The following PPFIA1 variants were observed in gnomAD, a reference collection of about 807,000 sequenced individuals.
The protein encoded by PPFIA1 is PPFI scaffold protein A1, also known as liprin-alpha-1.
A neutral mutation model predicts 149.9 loss-of-function variants in PPFIA1; 25 were observed. The ratio of observed to expected loss-of-function variants is 0.17; its 90% CI spans 0.12 to 0.23. The LOEUF (loss-of-function observed/expected upper bound fraction) is 0.23. PPFIA1 is among the 10% of genes least tolerant of loss of function. The pLI, the probability that PPFIA1 is intolerant of heterozygous loss-of-function variation, is 1.00. For synonymous variants in PPFIA1, 549 were observed against 552.8 expected (o/e 0.99, Z 0.10); for missense variants, 1,362 against 1,506.5 (o/e 0.90, Z 1.59).
chr11:70,364,022 G>C (rs2056796478), intron 21 of PPFIA1, among the ~76,000 whole-genome samples: 1 of 152,170 alleles, frequency 6.6e-6, no homozygotes, highest in Non-Finnish European at 1.5e-5. Context: ...GCCATGCTTG[G>C]AAAAGGTCCC....
chr11:70,347,638 C>T (rs1163686690), intron 15 of PPFIA1, among the ~76,000 whole-genome samples: 2 of 151,626 alleles, frequency 1.3e-5, no homozygotes, highest in Non-Finnish European at 1.5e-5. Context: ...TCCAGGAGTT[C>T]GAGGCTGCAG....
rs183252408 is a variant in PPFIA1, at chr11:70,299,097, A to G, written c.265-25305A>G. ...CTACTAAAAACACAAAAATTAGCCAAGCGTGGTGGTGCACACCTGTAGTTC... is the reference window on the plus strand; with the variant it reads ...CTACTAAAAACACAAAAATTAGCCAGGCGTGGTGGTGCACACCTGTAGTTC... On this transcript the variant is annotated intron_variant, in intron 2 of 27. Transcript: ENST00000253925. 3.3e-3 allele frequency among the ~76,000 whole-genome samples: 495 copies of G among 152,056 alleles called. 5 individuals carry two copies. The highest frequency in any genetic ancestry group is 0.015 in the Admixed American group (223 of 15,264).
At chr11:70,316,032 C>A (rs1400454048) in intron 2 of PPFIA1, among the ~76,000 whole-genome samples, 1 of 151,942 alleles carries the variant, frequency 6.6e-6, no homozygotes, top group African/African-American at 2.4e-5. Flanking sequence ...CAAGGTTCAC[C>A]CATATTGTAT....
intron 15 of PPFIA1, chr11:70,346,110 G>A (rs1202865345): frequency 6.2e-6 from 2 of 323,284 alleles, no homozygotes. Flanking sequence ...CTGTAGAATG[G>A]AATCCAAGAA....
chr11:70,319,030 G>T (rs555342150), intron 2 of PPFIA1, among the ~76,000 whole-genome samples: 9 of 152,302 alleles, frequency 5.9e-5, no homozygotes, highest in African/African-American at 1.7e-4. Flanking sequence ...ACTGTGAATT[G>T]CGCTCAACTG....
At chr11:70,382,454 T>C (rs1449613280) in intron 27 of PPFIA1, among the ~76,000 whole-genome samples, 2 of 151,040 alleles carry the variant, frequency 1.3e-5, no homozygotes, top group Non-Finnish European at 2.9e-5. Context: ...GGGGGTGGAG[T>C]GGGGAGGAGA....
At chr11:70,333,348 C>T in intron 9 of PPFIA1, 122 bp from the exon 10 acceptor site, 1 of 753,624 alleles carries the variant, frequency 1.3e-6, no homozygotes. Flanking sequence ...TACATGCTTT[C>T]CATTTAGTAT....
At chr11:70,306,970 T>C (rs1022915971) in intron 2 of PPFIA1, among the ~76,000 whole-genome samples, 1 of 152,136 alleles carries the variant, frequency 6.6e-6, no homozygotes, top group Non-Finnish European at 1.5e-5. Flanking sequence ...TTCCCACCTC[T>C]CCCAGCAGAT....
At chr11:70,310,151 A>T (rs2053160583) in intron 2 of PPFIA1, among the ~76,000 whole-genome samples, 1 of 152,206 alleles carries the variant, frequency 6.6e-6, no homozygotes, top group African/African-American at 2.4e-5. Context: ...TAAATCATTA[A>T]GGATAATATA....
intron 24 of PPFIA1, 71 bp from the exon 25 acceptor site, chr11:70,376,461 C>T: frequency 6.9e-7 from 1 of 1,457,400 alleles, no homozygotes; most frequent in Non-Finnish European, 9.6e-7. Flanking sequence ...GTTTAAAAAA[C>T]AATTACGATG....
intron 2 of PPFIA1, among the ~76,000 whole-genome samples, chr11:70,317,445 G>A (rs987631923): frequency 6.6e-5 from 10 of 152,280 alleles, no homozygotes; most frequent in African/African-American, 2.4e-4. Flanking sequence ...AATCATGAAC[G>A]TCTATGAATT....
chr11:70,344,115 C>T (rs1328521648), intron 15 of PPFIA1, among the ~76,000 whole-genome samples: 2 of 152,246 alleles, frequency 1.3e-5, no homozygotes, highest in African/African-American at 4.8e-5. Flanking sequence ...GCACTAGTAC[C>T]TTTCTGTAGG....
chr11:70,308,915 T>C (rs952986541), intron 2 of PPFIA1, among the ~76,000 whole-genome samples: 1 of 152,094 alleles, frequency 6.6e-6, no homozygotes, highest in African/African-American at 2.4e-5. Context: ...AGGGCGAGAC[T>C]CTCTCGAAGA....
intron 2 of PPFIA1, among the ~76,000 whole-genome samples, chr11:70,276,743 A>T (rs1327600791): frequency 6.6e-6 from 1 of 152,128 alleles, no homozygotes; most frequent in African/African-American, 2.4e-5. Context: ...CTATTTAGAT[A>T]AAGCATTTTT....
intron 2 of PPFIA1, among the ~76,000 whole-genome samples, chr11:70,308,864 A>G (rs566893744): frequency 1.3e-5 from 2 of 152,340 alleles, no homozygotes; most frequent in African/African-American, 4.8e-5. Flanking sequence ...TGGAGGCTGC[A>G]GTGAGCTATG....
rs146309528 is a variant in PPFIA1, at chr11:70,272,424, G to A, written c.252G>A (p.Thr84=). 13 of 1,612,366 alleles carry A rather than the reference G, an allele frequency of 8.1e-6. No homozygotes were observed. The highest frequency in any genetic ancestry group is 3.3e-5 in the Admixed American group (2 of 59,826). The change falls in exon 2 of 28, where the codon ACG becomes ACA. Residue 84 remains threonine (T), a synonymous_variant. Coordinates refer to ENST00000253925, the MANE Select transcript of PPFIA1 (RefSeq NM_003626.5). ...ATTCCTTGCAGAGACAGCTCAACAC[G>A]GCACTTCCACAGGTATGAGTGCTTT... ...ERDSLQRQLN[T]ALPQEFAALT...
rs201916598 is a variant in PPFIA1 at position 70,354,462 on chromosome 11, C to G, written c.2315+10C>G. ...TCAGGGACATAAGGAAGTAAGGAGC[C>G]TGCAGCAGCCCCATGCAGAGCGCAC... On this transcript the variant is annotated intron_variant, in intron 17 of 27. Coordinates refer to ENST00000253925, the MANE Select transcript of PPFIA1 (RefSeq NM_003626.5). 1 of 1,609,358 alleles carries G rather than the reference C, an allele frequency of 6.2e-7. No homozygotes were observed.
In PPFIA1 at chr11:70,300,780, G is replaced by A. The variant is rs555078813; in HGVS notation, c.265-23622G>A. On this transcript the variant is annotated intron_variant, in intron 2 of 27. Transcript: ENST00000253925. The stretch of plus-strand genomic sequence containing the variant: ...GATCTCCTGATCTTGTGATCCGCCC[G>A]CCTTGGCCTCCCAAAGTGCTGGGAT... Among the ~76,000 whole-genome samples, 87 of 152,238 alleles carry A rather than the reference G, an allele frequency of 5.7e-4. 1 individual carries two copies. The highest frequency in any genetic ancestry group is 3.4e-3 in the Middle Eastern group (1 of 294).
intron 12 of PPFIA1, among the ~76,000 whole-genome samples, chr11:70,337,973 T>A (rs893656572): frequency 6.6e-6 from 1 of 152,212 alleles, no homozygotes; most frequent in Non-Finnish European, 1.5e-5. Context: ...AGATCAAGTA[T>A]ACCCATGACA....
Sources: gnomAD v4.1 joint callset for allele counts (sites outside exome capture counted in the v4.1 genomes callset) on GRCh38, gnomAD v4.1.1 for gene constraint, MANE v1.5 for transcripts, NCBI Gene and HGNC (gene_info 2026-07-23, HGNC 2026-07-21) for gene names.